Variants in KIAA0232 observed in about 807,000 individuals in gnomAD.
The protein encoded by KIAA0232 is KIAA0232, also known as uncharacterized protein KIAA0232.
A neutral mutation model predicts 122.0 loss-of-function variants in KIAA0232; 27 were observed. The observed-to-expected ratio is 0.22, with a 90% CI of 0.16 to 0.31. KIAA0232 has a LOEUF of 0.31. Among genes scored for constraint, KIAA0232 ranks in the 10% least tolerant of loss-of-function variants. The probability of loss-of-function intolerance (pLI) is 1.00; values close to 1 mark genes in which losing one functional copy is unlikely to be tolerated. For synonymous variants in KIAA0232, 613 were observed against 587.6 expected (o/e 1.04, Z -0.63); for missense variants, 1,551 against 1,634.2 (o/e 0.95, Z 0.88).
chr4:6,816,439 C>T (rs1393846737), intron 2 of KIAA0232, among the ~76,000 whole-genome samples: 4 of 151,942 alleles, frequency 2.6e-5, no homozygotes, highest in African/African-American at 7.3e-5. Flanking sequence ...CCTGCCACCA[C>T]GCCTGGCTAA....
At chr4:6,806,968 AC>A (rs1404716570) in intron 2 of KIAA0232, among the ~76,000 whole-genome samples, 1 of 151,858 alleles carries the variant, frequency 6.6e-6, no homozygotes, top group Non-Finnish European at 1.5e-5. Flanking sequence ...TCTATGTAGA[AC>A]TGATCGCTTT....
intron 2 of KIAA0232, among the ~76,000 whole-genome samples, chr4:6,810,582 C>T (rs1482832918): frequency 6.6e-6 from 1 of 152,050 alleles, no homozygotes; most frequent in Non-Finnish European, 1.5e-5. Context: ...GACAAATGGG[C>T]CTTATCGAAA....
chr4:6,833,130 C>T (rs1303524951), intron 3 of KIAA0232, among the ~76,000 whole-genome samples: 1 of 152,142 alleles, frequency 6.6e-6, no homozygotes, highest in African/African-American at 2.4e-5. Context: ...TTTCCTGTTA[C>T]AGTTTATTAG....
chr4:6,800,123 T>C (rs1331201060), intron 1 of KIAA0232, among the ~76,000 whole-genome samples: 2 of 132,778 alleles, frequency 1.5e-5, no homozygotes, highest in Non-Finnish European at 3.2e-5. Context: ...AGTGGCATGA[T>C]CTCGGCTGAC....
At position 6,880,815 on chromosome 4, in the gene KIAA0232, C is replaced by T. The variant is rs757287809; in HGVS notation, c.4037C>T (p.Thr1346Ile). The stretch of plus-strand genomic sequence containing the variant: ...TCTTCTGTTTATGAAGCAAGATGTA[C>T]AGGAGAGAGAGATTCTGGAGCAAAG... ...RVSSVYEARC[T>I]GERDSGAKSD... Residue 1346 changes from threonine (T) to isoleucine (I), a missense_variant, in exon 10 of 10, where the codon ACA becomes ATA. By Grantham distance (89) the Thr-to-Ile change is moderately conservative. Transcript: ENST00000307659. The T allele has an allele frequency of 6.3e-7, 1 of 1,586,932 alleles. No individual in the cohort carries two copies. Among genetic ancestry groups the T allele is most frequent in the South Asian group, 1.2e-5 (1 of 86,242 alleles).
chr4:6,813,952 C>T (rs921195322), intron 2 of KIAA0232, among the ~76,000 whole-genome samples: 1 of 152,070 alleles, frequency 6.6e-6, no homozygotes, highest in Non-Finnish European at 1.5e-5. Flanking sequence ...CAGCACAGAG[C>T]AATGTTAATA....
At chr4:6,797,236 C>T (rs1717169196) in intron 1 of KIAA0232, among the ~76,000 whole-genome samples, 1 of 152,122 alleles carries the variant, frequency 6.6e-6, no homozygotes, top group Admixed American at 6.5e-5. Flanking sequence ...TTAGGCCTTG[C>T]CAGGGTGGGC....
chr4:6,883,954 C>G lies in KIAA0232; in HGVS notation c.*2988C>G, dbSNP rs1722190989. ...CAGAAATAGGTTTTTACTCAGATGT[C>G]TTCATGTCGGTAATTATAGAACTAC... On this transcript the variant is annotated 3_prime_UTR_variant, in exon 10 of 10. Transcript: ENST00000307659. The G allele has an allele frequency of 6.6e-6, 1 of 152,120 alleles. No homozygotes were observed. Among genetic ancestry groups the G allele is most frequent in the Non-Finnish European group, 1.5e-5 (1 of 68,018 alleles). The allele number at this position is 152,120 out of a possible 1,614,324, so 9.4% of individuals were successfully genotyped here. A position where few individuals can be genotyped will look rare whatever the true frequency, so the allele number is the denominator to read the frequency against.
chr4:6,877,661 G>T (rs1721829018), intron 9 of KIAA0232, among the ~76,000 whole-genome samples: 2 of 152,114 alleles, frequency 1.3e-5, no homozygotes, highest in Admixed American at 6.5e-5. Context: ...GATGTAGGCT[G>T]GGAGGCTAGG....
intron 1 of KIAA0232, among the ~76,000 whole-genome samples, chr4:6,789,881 T>C (rs998819689): frequency 2.0e-5 from 3 of 151,858 alleles, no homozygotes; most frequent in Non-Finnish European, 4.4e-5. Context: ...TTTTAAAAAT[T>C]AGCCAGGTGT....
At position 6,863,737 on chromosome 4, in the gene KIAA0232, G is replaced by A. The variant is rs1721019314; in HGVS notation, c.3355G>A (p.Gly1119Arg). 6.2e-7 allele frequency: 1 copy of A among 1,614,094 alleles called. No homozygotes were observed. The highest frequency in any genetic ancestry group is 2.2e-5 in the East Asian group (1 of 44,904). ...AATTTCTGCATCCGAACTGTCCCCAGGAGGAGGAAGCGAGTCAGAATTTGA... is the reference window on the plus strand; with the variant it reads ...AATTTCTGCATCCGAACTGTCCCCAAGAGGAGGAAGCGAGTCAGAATTTGA... The part of the protein sequence containing the change: ...RPISASELSP[G>R]GGSESEFESE... Residue 1119 changes from glycine (G) to arginine (R), a missense_variant, in exon 7 of 10, where the codon GGA becomes AGA. Physicochemically the swap from Gly to Arg is moderately radical, Grantham distance 125 (BLOSUM62 -2). Coordinates refer to ENST00000307659, the MANE Select transcript of KIAA0232 (RefSeq NM_014743.3).
intron 2 of KIAA0232, among the ~76,000 whole-genome samples, chr4:6,817,202 T>C (rs1718172974): frequency 6.6e-6 from 1 of 152,202 alleles, no homozygotes; most frequent in South Asian, 2.1e-4. Context: ...ACTGCTTTTG[T>C]GGCATCCTAA....
At chr4:6,865,324 G>C (rs900414632) in intron 7 of KIAA0232, among the ~76,000 whole-genome samples, 2 of 152,202 alleles carry the variant, frequency 1.3e-5, no homozygotes, top group Non-Finnish European at 2.9e-5. Context: ...TTTGGGGACA[G>C]AGTCTCGCTC....
rs541383275 is a variant in KIAA0232, at chr4:6,882,789, C to T, written c.*1823C>T. The T allele has an allele frequency of 6.5e-6, 1 of 152,744 alleles. No homozygotes were observed. Among genetic ancestry groups the T allele is most frequent in the East Asian group, 1.9e-4 (1 of 5,196 alleles). 9.5% of individuals were successfully genotyped at this position (152,744 alleles called of 1,614,324 possible). On this transcript the variant is annotated 3_prime_UTR_variant, in exon 10 of 10. Coordinates refer to ENST00000307659, the MANE Select transcript of KIAA0232 (RefSeq NM_014743.3). ...TCTGCACTGAAATATAATTTAACAG[C>T]AAAAGTAAAAAAGGATTGAAAGTTG...
intron 1 of KIAA0232, among the ~76,000 whole-genome samples, chr4:6,787,600 T>C (rs1305559434): frequency 6.6e-6 from 1 of 152,226 alleles, no homozygotes; most frequent in Non-Finnish European, 1.5e-5. Flanking sequence ...TTTTACCAGG[T>C]TTGCCTCCAT....
At chr4:6,825,689 G>T (rs1399843094) in intron 3 of KIAA0232, among the ~76,000 whole-genome samples, 1 of 152,162 alleles carries the variant, frequency 6.6e-6, no homozygotes, top group African/African-American at 2.4e-5. Context: ...AGGCCTGCCA[G>T]AGGGAACCAG....
chr4:6,863,238 T>G lies in KIAA0232; in HGVS notation c.2856T>G (p.Ser952Arg). The G allele has an allele frequency of 1.9e-6, 3 of 1,613,970 alleles. No individual in the cohort carries two copies. The highest frequency in any genetic ancestry group is 2.5e-6 in the Non-Finnish European group (3 of 1,180,018). The change falls in exon 7 of 10, where the codon AGT (serine) becomes AGG (arginine). Residue 952 changes from serine to arginine, a missense_variant. By Grantham distance (110) the Ser-to-Arg change is moderately radical. Transcript: ENST00000307659. ...SDGEWAVVPPSHTKGSLLQCA... is the reference protein window; with the variant it reads ...SDGEWAVVPPRHTKGSLLQCA... Reference sequence around the variant, plus strand: ...GGGAGTGGGCAGTCGTACCACCTAGTCACACAAAAGGAAGTCTGTTACAGT... The same window carrying G: ...GGGAGTGGGCAGTCGTACCACCTAGGCACACAAAAGGAAGTCTGTTACAGT...
rs918987792 is a variant in KIAA0232 at position 6,821,881 on chromosome 4, G to GT, written c.-269-2295dup. On this transcript the variant is annotated intron_variant, in intron 2 of 9. Coordinates refer to ENST00000307659, the MANE Select transcript of KIAA0232 (RefSeq NM_014743.3). ...ATGAGTATAGAATTCTAGGTTGACA[G>GT]TTTTTTTTTCTTTTAGTACTTTAAA... 4.6e-3 allele frequency among the ~76,000 whole-genome samples: 700 copies of GT among 151,180 alleles called. 1 individual carries two copies. The highest frequency in any genetic ancestry group is 0.014 in the African/African-American group (557 of 41,258).
At chr4:6,850,423 A>G (rs1422177205) in intron 4 of KIAA0232, among the ~76,000 whole-genome samples, 1 of 152,200 alleles carries the variant, frequency 6.6e-6, no homozygotes, top group East Asian at 1.9e-4. Flanking sequence ...GTACACAAAT[A>G]CAGCATGATT....
Sources: allele counts gnomAD v4.1 joint callset (sites outside exome capture counted in the v4.1 genomes callset), GRCh38; gene constraint gnomAD v4.1.1; transcripts MANE v1.5; gene names NCBI Gene and HGNC (gene_info 2026-07-23, HGNC 2026-07-21).